TRERF1: variants seen among roughly 807,000 people sequenced by gnomAD.
TRERF1 encodes the protein transcriptional-regulating factor 1.
In TRERF1, 27 loss-of-function variants were observed where a neutral mutation model predicts 122.9. That is an observed-to-expected ratio of 0.22 (90% CI 0.16 to 0.30). The LOEUF is 0.30. TRERF1 is among the 10% of genes least tolerant of loss of function. The pLI is 1.00. For synonymous variants in TRERF1, 636 were observed against 641.7 expected (o/e 0.99, Z 0.13); for missense variants, 1,248 against 1,560.3 (o/e 0.80, Z 3.37).
At chr6:42,236,491 A>G in intron 15 of TRERF1, 80 bp from the exon 16 acceptor site, 1 of 1,499,216 alleles carries the variant, frequency 6.7e-7, no homozygotes, top group Non-Finnish European at 8.9e-7. Context: ...ACAGATCAAC[A>G]GAGGAGAGAG....
intron 2 of TRERF1, among the ~76,000 whole-genome samples, chr6:42,414,164 A>C (rs1781508819): frequency 6.6e-6 from 1 of 152,258 alleles, no homozygotes; most frequent in Non-Finnish European, 1.5e-5. Flanking sequence ...ACTGAGCAGC[A>C]ACAAGTAAGT....
At chr6:42,319,164 A>G (rs1213577786) in intron 3 of TRERF1, among the ~76,000 whole-genome samples, 2 of 151,874 alleles carry the variant, frequency 1.3e-5, no homozygotes, top group Non-Finnish European at 2.9e-5. Flanking sequence ...TTTTTCCCTA[A>G]TTACTTTCCT....
At chr6:42,287,349 G>A (rs1783444076) in intron 4 of TRERF1, among the ~76,000 whole-genome samples, 1 of 151,702 alleles carries the variant, frequency 6.6e-6, no homozygotes, top group South Asian at 2.1e-4. Context: ...CTCCTAAAGT[G>A]TCTGGGATTA....
chr6:42,251,183 A>G (rs561230718), intron 13 of TRERF1, among the ~76,000 whole-genome samples: 19 of 151,908 alleles, frequency 1.3e-4, no homozygotes, highest in African/African-American at 4.6e-4. Context: ...TTTAGTACAG[A>G]TGGGGTTTCA....
chr6:42,398,119 C>T (rs1295358719), intron 2 of TRERF1, among the ~76,000 whole-genome samples: 1 of 152,198 alleles, frequency 6.6e-6, no homozygotes, highest in African/African-American at 2.4e-5. Context: ...AAGTCAGAGT[C>T]CTGAGTTCAA....
intron 4 of TRERF1, among the ~76,000 whole-genome samples, chr6:42,285,123 G>C (rs896622676): frequency 6.6e-6 from 1 of 152,170 alleles, no homozygotes; most frequent in Non-Finnish European, 1.5e-5. Flanking sequence ...AGCATGAAAT[G>C]TTCTTCCATT....
At chr6:42,369,408 C>A (rs1448317597) in intron 2 of TRERF1, among the ~76,000 whole-genome samples, 1 of 152,122 alleles carries the variant, frequency 6.6e-6, no homozygotes, top group African/African-American at 2.4e-5. Context: ...CAAGCCACTG[C>A]ACTCCAACCT....
intron 3 of TRERF1, among the ~76,000 whole-genome samples, chr6:42,318,565 A>AGT (rs1762877848): frequency 6.6e-6 from 1 of 152,240 alleles, no homozygotes; most frequent in Non-Finnish European, 1.5e-5. Flanking sequence ...GTTAGGTCCC[A>AGT]AGAAGCAGAG....
chr6:42,356,875 A>T (rs900813239), intron 3 of TRERF1, among the ~76,000 whole-genome samples: 1 of 152,036 alleles, frequency 6.6e-6, no homozygotes, highest in African/African-American at 2.4e-5. Context: ...CCCGGCCCAT[A>T]AATTTCTATT....
At chr6:42,236,154 CT>C (rs767985271) in intron 16 of TRERF1, 50 bp downstream of exon 16, 20 of 1,523,384 alleles carry the variant, frequency 1.3e-5, no homozygotes, top group Non-Finnish European at 1.8e-5. Flanking sequence ...CCAGGCACAG[CT>C]ATATGGCTCT....
chr6:42,273,535 G>A (rs1289399980), intron 4 of TRERF1, among the ~76,000 whole-genome samples: 1 of 152,184 alleles, frequency 6.6e-6, no homozygotes, highest in Non-Finnish European at 1.5e-5. Context: ...GACAAATAGG[G>A]CTTACAGAGG....
intron 3 of TRERF1, among the ~76,000 whole-genome samples, chr6:42,301,200 T>G (rs1334352978): frequency 6.6e-6 from 1 of 151,806 alleles, no homozygotes. Context: ...TTATTTGTCA[T>G]GAAGAACCAG....
intron 2 of TRERF1, among the ~76,000 whole-genome samples, chr6:42,366,959 G>T (rs1299273122): frequency 6.6e-6 from 1 of 152,260 alleles, no homozygotes; most frequent in East Asian, 1.9e-4. Flanking sequence ...TGCCCCATAA[G>T]AAATCAGGAT....
intron 2 of TRERF1, among the ~76,000 whole-genome samples, chr6:42,363,907 T>C (rs78488041): frequency 0.09 from 13,684 of 152,150 alleles, 927 homozygotes; most frequent in African/African-American, 0.18. Context: ...AATAAATCTG[T>C]GGTTTAAGCC....
chr6:42,233,452 A>AT (rs769858016), intron 16 of TRERF1, among the ~76,000 whole-genome samples: 2 of 150,708 alleles, frequency 1.3e-5, no homozygotes, highest in South Asian at 2.1e-4. Flanking sequence ...CGCCTGGCTA[A>AT]TTTTTTGTAG....
chr6:42,267,832 G>C (rs1435622830), intron 5 of TRERF1, among the ~76,000 whole-genome samples: 2 of 152,178 alleles, frequency 1.3e-5, no homozygotes, highest in Admixed American at 1.3e-4. Context: ...AGATCCAAGG[G>C]AACTGAGACA....
chr6:42,318,551 G>A (rs142257524), intron 3 of TRERF1, among the ~76,000 whole-genome samples: 26 of 152,346 alleles, frequency 1.7e-4, no homozygotes, highest in African/African-American at 6.0e-4. Flanking sequence ...TAAAGGAAAT[G>A]TGGGTTAGGT....
At chr6:42,305,924 T>C (rs1561952582) in intron 3 of TRERF1, among the ~76,000 whole-genome samples, 1 of 151,562 alleles carries the variant, frequency 6.6e-6, no homozygotes, top group Non-Finnish European at 1.5e-5. Flanking sequence ...GAAGGAGATG[T>C]AATTTTCAAG....
At chr6:42,368,686 T>C (rs1378248591) in intron 2 of TRERF1, among the ~76,000 whole-genome samples, 1 of 152,136 alleles carries the variant, frequency 6.6e-6, no homozygotes, top group Non-Finnish European at 1.5e-5. Context: ...AATGAGGGAA[T>C]GAGAAATTAA....
Sources: gnomAD v4.1 joint callset for allele counts (sites outside exome capture counted in the v4.1 genomes callset) on GRCh38, gnomAD v4.1.1 for gene constraint, MANE v1.5 for transcripts, NCBI Gene and HGNC (gene_info 2026-07-23, HGNC 2026-07-21) for gene names.